The following NECTIN1 variants were observed in gnomAD, a reference collection of about 807,000 sequenced individuals.
NECTIN1 encodes nectin cell adhesion molecule 1.
In NECTIN1, 23 loss-of-function variants were observed where a neutral mutation model predicts 48.0. The ratio of observed to expected loss-of-function variants is 0.48; its 90% CI spans 0.34 to 0.68. The LOEUF is 0.68. Ranked by LOEUF, NECTIN1 falls within the 30% of genes least tolerant of loss-of-function variation. The pLI is 0.01. For missense variants in NECTIN1, 591 were observed against 709.9 expected (o/e 0.83, Z 1.90); for synonymous variants, 270 against 288.9 (o/e 0.93, Z 0.66).
At position 119,728,547 on chromosome 11, in the gene NECTIN1, G is replaced by A. The variant is rs1182569400; in HGVS notation, c.7C>T (p.Arg3Trp). Residue 3 changes from arginine (R) to tryptophan (W), a missense_variant, in exon 1 of 6, where the codon CGG becomes TGG. Physicochemically the swap from Arg to Trp is moderately radical, Grantham distance 101. Coordinates refer to ENST00000264025, the MANE Select transcript of NECTIN1 (RefSeq NM_002855.5). ...CCAGCGGCGCCCGCAAGCCCCATCC[G>A]AGCCATCGGGGGCCGGGGGTCCGGC... is the stretch of plus-strand genomic sequence containing the variant. MA[R>W]MGLAGAAGRW... 1 of 1,580,892 alleles carries A rather than the reference G, an allele frequency of 6.3e-7. No individual in the cohort carries two copies. Among genetic ancestry groups the A allele is most frequent in the Non-Finnish European group, 8.6e-7 (1 of 1,162,852 alleles).
Position 119,677,146 on chromosome 11 carries a change from G to A in NECTIN1, c.807C>T (p.Cys269=). The A allele has an allele frequency of 1.2e-6, 2 of 1,614,152 alleles. No individual in the cohort carries two copies. The highest frequency in any genetic ancestry group is 2.7e-5 in the African/African-American group (2 of 75,020). The part of the protein sequence containing the change: ...YLQRMDVKLT[C]KADANPPATE... ...TGGCTGGGGGGTTAGCATCAGCTTTGCAGGTGAGCTTCACGTCCATCCGCT... is the reference window on the plus strand; with the variant it reads ...TGGCTGGGGGGTTAGCATCAGCTTTACAGGTGAGCTTCACGTCCATCCGCT... The change falls in exon 4 of 6, where the codon TGC becomes TGT. Residue 269 remains cysteine, a synonymous_variant. Transcript: ENST00000264025. The surrounding 1 kb of genome is among the most constrained non-coding windows in gnomAD (Gnocchi z 5.4).
At position 119,677,238 on chromosome 11, in the gene NECTIN1, T is replaced by C; in HGVS notation, c.734-19A>G. ...GGCTCATCTGTGGGGCAAGGGATGTTTGAAGAGGGTGAGGTCAGGAGAGCG... is the reference window on the plus strand; with the variant it reads ...GGCTCATCTGTGGGGCAAGGGATGTCTGAAGAGGGTGAGGTCAGGAGAGCG... On this transcript the variant is annotated intron_variant, in intron 3 of 5. Coordinates refer to ENST00000264025, the MANE Select transcript of NECTIN1 (RefSeq NM_002855.5). The surrounding 1 kb of genome is among the most constrained non-coding windows in gnomAD (Gnocchi z 5.4). 6.2e-7 allele frequency: 1 copy of C among 1,600,942 alleles called. No individual in the cohort carries two copies. The highest frequency in any genetic ancestry group is 8.6e-7 in the Non-Finnish European group (1 of 1,168,120).
chr11:119,656,870 T>G (rs1864582962), downstream of NECTIN1, among the ~76,000 whole-genome samples: 1 of 152,232 alleles, frequency 6.6e-6, no homozygotes. Flanking sequence ...GACAGCAACA[T>G]GGAGCCAGGA....
At chr11:119,712,720 A>T (rs1339291852) in intron 1 of NECTIN1, among the ~76,000 whole-genome samples, 2 of 152,114 alleles carry the variant, frequency 1.3e-5, no homozygotes, top group Non-Finnish European at 2.9e-5. Flanking sequence ...AAACAGCCTG[A>T]CCTTTAACGG....
At chr11:119,703,221 C>A (rs1015657428) in intron 1 of NECTIN1, among the ~76,000 whole-genome samples, 1 of 152,204 alleles carries the variant, frequency 6.6e-6, no homozygotes, top group Non-Finnish European at 1.5e-5. Context: ...TTGGGACCCA[C>A]GTGGGTTTGA....
At chr11:119,652,360 C>T (rs1864505950) in intron 5 of NECTIN1, among the ~76,000 whole-genome samples, 1 of 152,092 alleles carries the variant, frequency 6.6e-6, no homozygotes, top group African/African-American at 2.4e-5. Flanking sequence ...CATCTCCTCC[C>T]CCTCCTCCTC....
rs183771492 is a variant in NECTIN1 at position 119,711,381 on chromosome 11, C to G, written c.79+17094G>C. On this transcript the variant is annotated intron_variant, in intron 1 of 5. Transcript: ENST00000264025. ...CTCCAGCCTGGGCAACAGAGTGAGA[C>G]TCTGTTTCAAAAAAAAAAAAAAGGC... is the stretch of plus-strand genomic sequence containing the variant. 3.3e-3 allele frequency among the ~76,000 whole-genome samples: 498 copies of G among 148,700 alleles called. 6 individuals are homozygous for G. Among genetic ancestry groups the G allele is most frequent in the African/African-American group, 0.012 (474 of 39,352 alleles).
intron 5 of NECTIN1, among the ~76,000 whole-genome samples, chr11:119,647,160 C>CGTGTGTGTGT (rs1565375700): frequency 8.4e-5 from 6 of 71,304 alleles, no homozygotes; most frequent in Admixed American, 1.5e-4. Flanking sequence ...GCTTGCGGCG[C>CGTGTGTGTGT]ATGTGTGTGT....
Position 119,664,970 on chromosome 11 carries a change from T to G in NECTIN1, c.1331A>C (p.Glu444Ala). Residue 444 changes from glutamate to alanine, a missense_variant, in exon 6 of 6, where the codon GAG becomes GCG. By Grantham distance (107) the Glu-to-Ala change is moderately radical. Coordinates refer to ENST00000264025, the MANE Select transcript of NECTIN1 (RefSeq NM_002855.5). ...CTTGCGCTCGCCCCCTCCACCGCCC[T>G]CCTCCTCCTCCTCCTCCTCCTCATA... ...SSYEEEEEEEEGGGGGERKVG... is the reference protein window; with the variant it reads ...SSYEEEEEEEAGGGGGERKVG... 1 of 1,463,686 alleles carries G rather than the reference T, an allele frequency of 6.8e-7. No individual in the cohort carries two copies. Among genetic ancestry groups the G allele is most frequent in the East Asian group, 2.3e-5 (1 of 42,690 alleles). The allele number at this position is 1,463,686 out of a possible 1,614,324, so 90.7% of individuals were successfully genotyped here. A position where few individuals can be genotyped will look rare whatever the true frequency, so the allele number is the denominator to read the frequency against.
chr11:119,714,745 AG>A (rs1489654536), intron 1 of NECTIN1, among the ~76,000 whole-genome samples: 2 of 84,302 alleles, frequency 2.4e-5, no homozygotes, highest in African/African-American at 1.0e-4. Context: ...TAAGGAAAAC[AG>A]GGGTGGGAAG....
chr11:119,663,662 C>T lies in NECTIN1; in HGVS notation c.*1085G>A. 4 of 985,572 alleles carry T rather than the reference C, an allele frequency of 4.1e-6. No individual in the cohort carries two copies. The highest frequency in any genetic ancestry group is 4.8e-6 in the Non-Finnish European group (4 of 829,958). 61.1% of individuals were successfully genotyped at this position (985,572 alleles called of 1,614,324 possible). Reference sequence around the variant, plus strand: ...ACCTCTGACTCCTGCAGGTGGATCCCCCTGGGATCCCAGCCCTGACTAGCC... The same window carrying T: ...ACCTCTGACTCCTGCAGGTGGATCCTCCTGGGATCCCAGCCCTGACTAGCC... On this transcript the variant is annotated 3_prime_UTR_variant, in exon 6 of 6. Coordinates refer to ENST00000264025, the MANE Select transcript of NECTIN1 (RefSeq NM_002855.5).
At chr11:119,714,755 AG>A (rs56802149) in intron 1 of NECTIN1, among the ~76,000 whole-genome samples, 14,624 of 95,096 alleles carry the variant, frequency 0.15, 2,332 homozygotes, top group African/African-American at 0.42. Context: ...AGGGGTGGGA[AG>A]GGGGTGGGGG....
chr11:119,650,403 T>C (rs1864471856), intron 5 of NECTIN1, among the ~76,000 whole-genome samples: 1 of 152,172 alleles, frequency 6.6e-6, no homozygotes, highest in Admixed American at 6.5e-5. Context: ...CCAGGAAGTC[T>C]TTCCTCATGA....
intron 1 of NECTIN1, among the ~76,000 whole-genome samples, chr11:119,688,954 G>T (rs933584443): frequency 6.6e-5 from 10 of 152,046 alleles, no homozygotes; most frequent in Admixed American, 1.3e-4. Flanking sequence ...GGGACACAGG[G>T]GACATGCGGT....
At chr11:119,648,123 C>T (rs183844427) in intron 5 of NECTIN1, among the ~76,000 whole-genome samples, 94 of 138,344 alleles carry the variant, frequency 6.8e-4, no homozygotes, top group African/African-American at 2.2e-3. Flanking sequence ...GAGGTAAGCA[C>T]GTGAGAGCCT....
intron 1 of NECTIN1, among the ~76,000 whole-genome samples, chr11:119,682,355 A>G (rs1315309799): frequency 6.6e-6 from 1 of 152,176 alleles, no homozygotes; most frequent in East Asian, 1.9e-4. Flanking sequence ...AGGGACAGGC[A>G]GCAGAAACAG....
At chr11:119,723,430 T>A (rs1288858763) in intron 1 of NECTIN1, among the ~76,000 whole-genome samples, 1 of 152,132 alleles carries the variant, frequency 6.6e-6, no homozygotes, top group Admixed American at 6.5e-5. Context: ...CACCAGGGCC[T>A]GGGACCACTG....
chr11:119,677,541 C>T lies in NECTIN1; in HGVS notation c.733+14G>A, dbSNP rs1357829159. On this transcript the variant is annotated intron_variant, in intron 3 of 5. Transcript: ENST00000264025. This position sits in a 1 kb window ranked among gnomAD's most constrained non-coding sequence, Gnocchi z 5.4. The stretch of plus-strand genomic sequence containing the variant: ...GCCCACCCCAGGAGGCCCCTGGCAG[C>T]CAGCCCTGCTCACACTGCACGTTGA... 5.0e-6 allele frequency: 8 copies of T among 1,612,338 alleles called. No homozygotes were observed. The highest frequency in any genetic ancestry group is 6.8e-6 in the Non-Finnish European group (8 of 1,179,980).
chr11:119,664,861 G>A lies in NECTIN1; in HGVS notation c.1440C>T (p.Gly480=), dbSNP rs1257312651. 2.1e-5 allele frequency: 34 copies of A among 1,614,042 alleles called. No homozygotes were observed. The highest frequency in any genetic ancestry group is 2.8e-5 in the Non-Finnish European group (33 of 1,179,966). Residue 480 remains glycine, a synonymous_variant, in exon 6 of 6, where the codon GGC becomes GGT. Coordinates refer to ENST00000264025, the MANE Select transcript of NECTIN1 (RefSeq NM_002855.5). Reference sequence around the variant, plus strand: ...GGTAGCCCAGAGTCCGGTCCCCGTAGCCGTCCTGACGGGCCTCGGCCTCAT... The same window carrying A: ...GGTAGCCCAGAGTCCGGTCCCCGTAACCGTCCTGACGGGCCTCGGCCTCAT... ...TVDEAEARQD[G]YGDRTLGYQY... is the part of the protein sequence containing the mutation.
Sources: allele counts gnomAD v4.1 joint callset (sites outside exome capture counted in the v4.1 genomes callset), GRCh38; gene constraint gnomAD v4.1.1; non-coding constraint Gnocchi (gnomAD v3.1); transcripts MANE v1.5; gene names NCBI Gene and HGNC (gene_info 2026-07-23, HGNC 2026-07-21).